LRRC4C: variants seen among roughly 807,000 people sequenced by gnomAD.
LRRC4C encodes the protein leucine rich repeat containing 4C, also known as leucine-rich repeat-containing protein 4C.
A neutral mutation model predicts 33.6 loss-of-function variants in LRRC4C; 5 were observed. That is an observed-to-expected ratio of 0.15 (90% CI 0.08 to 0.31). LRRC4C has a LOEUF of 0.31. Among genes scored for constraint, LRRC4C ranks in the 10% least tolerant of loss-of-function variants. The probability of loss-of-function intolerance (pLI) is 1.00; values close to 1 mark genes in which losing one functional copy is unlikely to be tolerated. For missense variants in LRRC4C, 560 were observed against 796.7 expected (o/e 0.70, Z 3.58); for synonymous variants, 329 against 302.0 (o/e 1.09, Z -0.93).
intron 2 of LRRC4C, among the ~76,000 whole-genome samples, chr11:40,722,311 C>A (rs181393490): frequency 6.6e-6 from 1 of 152,262 alleles, no homozygotes; most frequent in African/African-American, 2.4e-5. Context: ...AGAGAGAGCA[C>A]GGCTGCACAT....
chr11:40,128,271 G>T (rs989555924), intron 6 of LRRC4C, among the ~76,000 whole-genome samples: 3 of 152,202 alleles, frequency 2.0e-5, no homozygotes, highest in African/African-American at 4.8e-5. Flanking sequence ...CCGCTACCAT[G>T]TGACCAGTTG....
At chr11:41,264,095 A>ATTTTT (rs371070496) in intron 1 of LRRC4C, among the ~76,000 whole-genome samples, 1 of 142,714 alleles carries the variant, frequency 7.0e-6, no homozygotes, top group African/African-American at 2.6e-5. Context: ...CTTTTTATTA[A>ATTTTT]TTTTTTTTTT....
intron 2 of LRRC4C, among the ~76,000 whole-genome samples, chr11:40,920,909 C>A (rs1445999254): frequency 7.1e-6 from 1 of 140,964 alleles, no homozygotes; most frequent in Non-Finnish European, 1.5e-5. Context: ...TCCAGGTGCG[C>A]CCAACATAAT....
At chr11:40,604,327 C>A (rs1591250781) in intron 3 of LRRC4C, among the ~76,000 whole-genome samples, 1 of 152,004 alleles carries the variant, frequency 6.6e-6, no homozygotes, top group South Asian at 2.1e-4. Context: ...TTCTGTATTA[C>A]TTTAAATGAT....
At chr11:40,449,784 T>C (rs1465335720) in intron 3 of LRRC4C, among the ~76,000 whole-genome samples, 7 of 152,132 alleles carry the variant, frequency 4.6e-5, no homozygotes, top group Admixed American at 1.3e-4. Context: ...AAATTACATG[T>C]TTGAACAAAA....
chr11:40,482,077 G>T (rs1172829357), intron 3 of LRRC4C, among the ~76,000 whole-genome samples: 1 of 152,044 alleles, frequency 6.6e-6, no homozygotes, highest in Non-Finnish European at 1.5e-5. Flanking sequence ...TCTACCACTT[G>T]GTTCATTAGA....
intron 2 of LRRC4C, among the ~76,000 whole-genome samples, chr11:40,650,612 TTTG>T (rs1942734970): frequency 3.3e-5 from 5 of 152,182 alleles, no homozygotes; most frequent in Admixed American, 2.6e-4. Flanking sequence ...TTGTTGAAAT[TTTG>T]TTATTTGACA....
Position 40,607,861 on chromosome 11 carries a change from T to A in LRRC4C, c.-270+40281A>T, listed in dbSNP as rs187802809. 1.1e-3 allele frequency among the ~76,000 whole-genome samples: 174 copies of A among 152,154 alleles called. No homozygotes were observed. The Middle Eastern group carries it at 0.02, about 18-fold the overall frequency. On this transcript the variant is annotated intron_variant, in intron 3 of 6. Transcript: ENST00000528697. ...GGGCTTTGGGAGCTGTAAACACTCA[T>A]CCCTAGACCCTGCAGTGGGGTTGGT...
intron 1 of LRRC4C, among the ~76,000 whole-genome samples, chr11:41,081,357 T>G (rs897702836): frequency 3.9e-5 from 6 of 152,182 alleles, no homozygotes; most frequent in Non-Finnish European, 7.4e-5. Context: ...TTATTTTACA[T>G]AGACAAGAAG....
At chr11:40,453,604 A>G (rs1213865545) in intron 3 of LRRC4C, among the ~76,000 whole-genome samples, 4 of 146,940 alleles carry the variant, frequency 2.7e-5, no homozygotes, top group Non-Finnish European at 6.0e-5. Context: ...AAAACCACAA[A>G]AAGGCATTCT....
At chr11:41,412,188 A>T (rs886390236) in intron 1 of LRRC4C, among the ~76,000 whole-genome samples, 2 of 152,136 alleles carry the variant, frequency 1.3e-5, no homozygotes, top group African/African-American at 4.8e-5. Flanking sequence ...ACCCACCAGC[A>T]CTATGACCCC....
chr11:41,062,451 C>T (rs1937855430), intron 1 of LRRC4C, among the ~76,000 whole-genome samples: 1 of 152,128 alleles, frequency 6.6e-6, no homozygotes, highest in Non-Finnish European at 1.5e-5. Flanking sequence ...CAACAGTTTC[C>T]ATTCAGTATT....
chr11:41,211,970 C>T (rs1214903343), intron 1 of LRRC4C, among the ~76,000 whole-genome samples: 2 of 152,218 alleles, frequency 1.3e-5, no homozygotes, highest in African/African-American at 4.8e-5. Context: ...GTTCCTATTT[C>T]TCCACATCCT....
At chr11:41,001,180 A>G (rs1854349894) in intron 1 of LRRC4C, among the ~76,000 whole-genome samples, 1 of 152,138 alleles carries the variant, frequency 6.6e-6, no homozygotes, top group Admixed American at 6.6e-5. Context: ...GAGGTGCTAC[A>G]AAGATCATAT....
chr11:40,698,432 CAG>C (rs1565647811), intron 2 of LRRC4C, among the ~76,000 whole-genome samples: 1 of 152,062 alleles, frequency 6.6e-6, no homozygotes, highest in Non-Finnish European at 1.5e-5. Context: ...CTGGTCAAGA[CAG>C]AGTCAATAAG....
intron 1 of LRRC4C, among the ~76,000 whole-genome samples, chr11:41,258,743 A>G (rs1209967547): frequency 6.6e-6 from 1 of 152,026 alleles, no homozygotes; most frequent in African/African-American, 2.4e-5. Flanking sequence ...AGGCATTTTT[A>G]CTAATGAACA....
At chr11:40,845,757 C>G (rs755326395) in intron 2 of LRRC4C, among the ~76,000 whole-genome samples, 1 of 152,190 alleles carries the variant, frequency 6.6e-6, no homozygotes, top group South Asian at 2.1e-4. Flanking sequence ...AATTGCCATA[C>G]TGTCTCCCAC....
intron 4 of LRRC4C, among the ~76,000 whole-genome samples, chr11:40,254,454 C>G (rs1377335461): frequency 6.6e-6 from 1 of 152,182 alleles, no homozygotes; most frequent in African/African-American, 2.4e-5. Flanking sequence ...CATGGTCCAT[C>G]TTTCATATTG....
At chr11:40,696,006 G>T (rs925297106) in intron 2 of LRRC4C, among the ~76,000 whole-genome samples, 10 of 147,512 alleles carry the variant, frequency 6.8e-5, no homozygotes, top group Non-Finnish European at 1.2e-4. Flanking sequence ...TGTACATGTA[G>T]TATATATATA....
Sources: allele counts gnomAD v4.1 joint callset (sites outside exome capture counted in the v4.1 genomes callset), GRCh38; gene constraint gnomAD v4.1.1; transcripts MANE v1.5; gene names NCBI Gene and HGNC (gene_info 2026-07-23, HGNC 2026-07-21).